The following IL1RAPL1 variants were observed in gnomAD, a reference collection of about 807,000 sequenced individuals.
IL1RAPL1 encodes interleukin-1 receptor accessory protein-like 1.
In IL1RAPL1, 3 loss-of-function variants were observed where a neutral mutation model predicts 48.4. That is an observed-to-expected ratio of 0.06 (90% CI 0.03 to 0.16). IL1RAPL1 has a LOEUF of 0.16. Among genes scored for constraint, IL1RAPL1 ranks in the 10% least tolerant of loss-of-function variants. The pLI is 1.00. For missense variants in IL1RAPL1, 349 were observed against 530.6 expected, an observed-to-expected ratio of 0.66 and a Z score of 3.36; for synonymous variants, 185 against 187.7, an observed-to-expected ratio of 0.99 and a Z score of 0.12.
At chrX:29,726,155 C>G (rs1166738899) in intron 6 of IL1RAPL1, among the ~76,000 whole-genome samples, 4 of 112,075 alleles carry the variant, frequency 3.6e-5, no homozygotes, top group African/African-American at 1.3e-4. Flanking sequence ...AATTTAGAAA[C>G]AAAACATTGA....
At chrX:29,021,669 G>T (rs1367481840) in intron 2 of IL1RAPL1, among the ~76,000 whole-genome samples, 2 of 111,403 alleles carry the variant, frequency 1.8e-5, no homozygotes, top group Non-Finnish European at 3.8e-5. Flanking sequence ...TTCTTCCTTG[G>T]ATCCTGCCCT....
At chrX:28,699,044 T>C (rs1266770144) in intron 1 of IL1RAPL1, among the ~76,000 whole-genome samples, 1 of 112,140 alleles carries the variant, frequency 8.9e-6, no homozygotes, top group African/African-American at 3.2e-5. Context: ...CCATTTTTAT[T>C]GTCTGGTGTC....
chrX:29,887,717 G>A (rs1028995182), intron 6 of IL1RAPL1, among the ~76,000 whole-genome samples: 2 of 109,921 alleles, frequency 1.8e-5, no homozygotes, highest in East Asian at 2.8e-4. Flanking sequence ...GCATACACAC[G>A]CTAAAACAAT....
At chrX:29,848,437 C>CAA (rs34964717) in intron 6 of IL1RAPL1, among the ~76,000 whole-genome samples, 1,369 of 91,875 alleles carry the variant, frequency 0.015, 29 homozygotes, top group African/African-American at 0.05. Flanking sequence ...CAAAATATAG[C>CAA]AAAAAAAAAA....
chrX:29,069,093 T>C (rs915390957), intron 2 of IL1RAPL1, among the ~76,000 whole-genome samples: 2 of 112,226 alleles, frequency 1.8e-5, no homozygotes, highest in Non-Finnish European at 3.8e-5. Context: ...AGCACCCAGC[T>C]TTCTTTGCTT....
intron 2 of IL1RAPL1, among the ~76,000 whole-genome samples, chrX:29,279,378 G>C (rs1293395271): frequency 2.7e-5 from 3 of 110,502 alleles, no homozygotes; most frequent in Non-Finnish European, 5.7e-5. Context: ...GGAGGTTGCA[G>C]TGAGCCAAGA....
intron 1 of IL1RAPL1, among the ~76,000 whole-genome samples, chrX:28,728,639 A>T (rs776039507): frequency 2.7e-5 from 3 of 112,163 alleles, no homozygotes; most frequent in Non-Finnish European, 5.6e-5. Flanking sequence ...AGCAAACAAT[A>T]TTCTGTAATA....
At chrX:29,859,716 T>C (rs1931540680) in intron 6 of IL1RAPL1, among the ~76,000 whole-genome samples, 1 of 112,373 alleles carries the variant, frequency 8.9e-6, no homozygotes, top group Non-Finnish European at 1.9e-5. Flanking sequence ...ATAGATATTC[T>C]ATACAAAATG....
intron 2 of IL1RAPL1, among the ~76,000 whole-genome samples, chrX:28,797,930 A>T (rs1462678402): frequency 8.9e-6 from 1 of 112,062 alleles, no homozygotes; most frequent in African/African-American, 3.3e-5. Context: ...GAAGCCTCAC[A>T]ATCGTGGTGG....
intron 2 of IL1RAPL1, among the ~76,000 whole-genome samples, chrX:29,067,107 GTT>G: frequency 9.0e-6 from 1 of 111,415 alleles, no homozygotes. Flanking sequence ...TTGTTTGTTT[GTT>G]TTTAATAATT....
chrX:29,054,237 A>C (rs1927161908), intron 2 of IL1RAPL1, among the ~76,000 whole-genome samples: 1 of 110,933 alleles, frequency 9.0e-6, no homozygotes, highest in Non-Finnish European at 1.9e-5. Flanking sequence ...ACTGTGTTTC[A>C]ATATACTATT....
chrX:29,488,635 G>C (rs1487456296), intron 5 of IL1RAPL1, among the ~76,000 whole-genome samples: 3 of 110,661 alleles, frequency 2.7e-5, no homozygotes, highest in Non-Finnish European at 5.7e-5. Flanking sequence ...ATAACTATGA[G>C]AGGTGGTGCA....
intron 1 of IL1RAPL1, among the ~76,000 whole-genome samples, chrX:28,643,342 T>C (rs1934569624): frequency 9.0e-6 from 1 of 111,228 alleles, no homozygotes; most frequent in African/African-American, 3.3e-5. Context: ...TTGATTTTTT[T>C]CCCCAGAGTG....
intron 6 of IL1RAPL1, among the ~76,000 whole-genome samples, chrX:29,802,959 A>G (rs1217623210): frequency 1.0e-4 from 9 of 88,444 alleles, no homozygotes; most frequent in African/African-American, 4.1e-4. Context: ...ATATATGTAT[A>G]CATGTGTACA....
intron 3 of IL1RAPL1, among the ~76,000 whole-genome samples, chrX:29,367,551 T>TA (rs1933480057): frequency 1.1e-5 from 1 of 94,304 alleles, no homozygotes; most frequent in African/African-American, 3.9e-5. Context: ...CTTCTATTTA[T>TA]TTTTATTTAT....
At chrX:29,468,485 G>A (rs1253296582) in intron 5 of IL1RAPL1, among the ~76,000 whole-genome samples, 1 of 111,922 alleles carries the variant, frequency 8.9e-6, no homozygotes, top group East Asian at 2.8e-4. Flanking sequence ...TCCACCGAAG[G>A]TGTAACACTG....
At chrX:28,597,506 C>A (rs1233147983) in intron 1 of IL1RAPL1, among the ~76,000 whole-genome samples, 1 of 110,940 alleles carries the variant, frequency 9.0e-6, no homozygotes, top group Non-Finnish European at 1.9e-5. Flanking sequence ...CGGAGGCAGG[C>A]GGATCACCGG....
intron 2 of IL1RAPL1, among the ~76,000 whole-genome samples, chrX:28,824,480 G>C (rs780198226): frequency 9.1e-6 from 1 of 110,284 alleles, no homozygotes; most frequent in East Asian, 2.9e-4. Context: ...TTTAAATTCT[G>C]CCCTTCCCCC....
At chrX:29,310,144 A>G (rs1932700957) in intron 3 of IL1RAPL1, among the ~76,000 whole-genome samples, 2 of 99,885 alleles carry the variant, frequency 2.0e-5, no homozygotes, top group South Asian at 4.3e-4. Flanking sequence ...GGAAAAAAAA[A>G]AAAACAAAAA....
Sources: allele counts gnomAD v4.1 joint callset (sites outside exome capture counted in the v4.1 genomes callset), GRCh38; gene constraint gnomAD v4.1.1; transcripts MANE v1.5; gene names NCBI Gene and HGNC (gene_info 2026-07-23, HGNC 2026-07-21).